The following CPAMD8 variants were observed in gnomAD, a reference collection of about 807,000 sequenced individuals.
CPAMD8 encodes the protein C3 and PZP-like alpha-2-macroglobulin domain-containing protein 8.
Under a neutral mutation model 224.7 loss-of-function variants are expected in CPAMD8, and 146 were observed. That is an observed-to-expected ratio of 0.65 (90% CI 0.57 to 0.75). The LOEUF (loss-of-function observed/expected upper bound fraction) is 0.75. CPAMD8 is among the 30% of genes least tolerant of loss of function. The probability of loss-of-function intolerance (pLI) is 0.00; values close to 1 mark genes in which losing one functional copy is unlikely to be tolerated. For synonymous variants in CPAMD8, 966 were observed against 1,044.6 expected (o/e 0.92, Z 1.45); for missense variants, 2,301 against 2,537.5 (o/e 0.91, Z 2.00).
intron 19 of CPAMD8, among the ~76,000 whole-genome samples, chr19:16,956,277 G>T (rs2054470089): frequency 6.6e-6 from 1 of 152,066 alleles, no homozygotes; most frequent in South Asian, 2.1e-4. Flanking sequence ...GCTCATGCTG[G>T]TCCTTCCTGG....
intron 5 of CPAMD8, 35 bp downstream of exon 5, chr19:17,011,429 C>T: frequency 6.2e-7 from 1 of 1,613,392 alleles, no homozygotes; most frequent in Non-Finnish European, 8.5e-7. Flanking sequence ...CAAGTGGGTG[C>T]ACTCCGGGCC....
chr19:17,005,654 T>C (rs2056468619), intron 7 of CPAMD8, among the ~76,000 whole-genome samples: 2 of 152,058 alleles, frequency 1.3e-5, no homozygotes, highest in Admixed American at 6.6e-5. Flanking sequence ...CCAATGATCA[T>C]ATGGGGAGGG....
At chr19:16,988,598 A>T (rs1226556039) in intron 13 of CPAMD8, among the ~76,000 whole-genome samples, 1 of 151,986 alleles carries the variant, frequency 6.6e-6, no homozygotes, top group African/African-American at 2.4e-5. Context: ...TGACAGAGTG[A>T]GACTCCACCT....
intron 3 of CPAMD8, among the ~76,000 whole-genome samples, chr19:17,014,773 G>A (rs1162570628): frequency 6.6e-6 from 1 of 152,132 alleles, no homozygotes; most frequent in Non-Finnish European, 1.5e-5. Context: ...GGAAATTATG[G>A]GAGCTACAAT....
chr19:16,994,514 C>T (rs935819542), intron 11 of CPAMD8, among the ~76,000 whole-genome samples: 4 of 106,506 alleles, frequency 3.8e-5, no homozygotes, highest in South Asian at 2.6e-4. Context: ...TTAACCACTC[C>T]CTTTTTTTTT....
chr19:16,903,728 T>A lies in CPAMD8; in HGVS notation c.4381A>T (p.Asn1461Tyr). 6.2e-7 allele frequency: 1 copy of A among 1,614,198 alleles called. No homozygotes were observed. The highest frequency in any genetic ancestry group is 8.5e-7 in the Non-Finnish European group (1 of 1,180,020). ...GCTGCTGTCTGCAGAACCTTCTGGT[T>A]GGTCCTGTGCAGCTCGAAGGTTTCC... is the stretch of plus-strand genomic sequence containing the variant. ...YQETFELHRTNQKVLQTAAIP... is the reference protein window; with the variant it reads ...YQETFELHRTYQKVLQTAAIP... The change falls in exon 33 of 42, where the codon AAC becomes TAC. Residue 1461 changes from asparagine to tyrosine, a missense_variant. Physicochemically the swap from Asn to Tyr is moderately radical, Grantham distance 143 (BLOSUM62 -2). Transcript: ENST00000443236.
intron 7 of CPAMD8, among the ~76,000 whole-genome samples, chr19:17,007,239 C>T (rs1051715959): frequency 1.3e-5 from 2 of 152,084 alleles, no homozygotes; most frequent in African/African-American, 4.8e-5. Context: ...GAAGCTGAGG[C>T]AGGAGAATGG....
chr19:16,997,047 G>T, intron 11 of CPAMD8, 64 bp downstream of exon 11: 1 of 979,256 alleles, frequency 1.0e-6, no homozygotes, highest in Non-Finnish European at 1.6e-6. Flanking sequence ...CAGAGCTAGT[G>T]GCTAGTGGTG....
intron 16 of CPAMD8, 64 bp from the exon 17 acceptor site, chr19:16,975,322 C>T (rs1214232797): frequency 2.1e-5 from 29 of 1,384,062 alleles, no homozygotes; most frequent in East Asian, 2.5e-5. Context: ...AACTGGCTCC[C>T]GTGGGTGTGG....
In CPAMD8 at chr19:16,997,180, C is replaced by A; in HGVS notation, c.1026G>T (p.Gln342His). The A allele has an allele frequency of 1.3e-6, 2 of 1,597,338 alleles. No individual in the cohort carries two copies. ...AFDDSTPVQR[Q>H]LVDIRYSKDT... is the part of the protein sequence containing the mutation. ...CCTTGGAGTACCGGATGTCCACCAG[C>A]TGCCTCTGCACGGGGGTGGAGTCAT... The change falls in exon 11 of 42, where the codon CAG becomes CAT. Residue 342 changes from glutamine to histidine, a missense_variant. Around this residue, in one of 4 missense-constraint regions of CPAMD8, gnomAD observed 301 missense variants for 406.6 expected, o/e 0.74. Transcript: ENST00000443236.
At chr19:16,907,307 C>CTTTTT (rs71334641) in intron 29 of CPAMD8, among the ~76,000 whole-genome samples, 190 bp from the exon 30 acceptor site, 21 of 81,066 alleles carry the variant, frequency 2.6e-4, no homozygotes, top group African/African-American at 3.7e-4. Flanking sequence ...TCTTTCTTGC[C>CTTTTT]TTTTTTTTTT....
intron 24 of CPAMD8, 103 bp downstream of exon 24, chr19:16,928,839 G>T: frequency 3.4e-6 from 3 of 878,538 alleles, no homozygotes; most frequent in Admixed American, 3.0e-5. Flanking sequence ...TGTTTCCCTT[G>T]CTCCTCCTGA....
intron 12 of CPAMD8, among the ~76,000 whole-genome samples, chr19:16,990,772 G>A (rs551658115): frequency 3.4e-5 from 5 of 148,572 alleles, no homozygotes; most frequent in East Asian, 2.0e-4. Context: ...CTGAGGCAGG[G>A]GAATCACTTG....
chr19:17,022,885 C>T (rs1201604766), intron 1 of CPAMD8, among the ~76,000 whole-genome samples: 1 of 152,070 alleles, frequency 6.6e-6, no homozygotes, highest in Non-Finnish European at 1.5e-5. Flanking sequence ...GATCCCACTT[C>T]ATCCTCACGG....
Position 16,893,114 on chromosome 19 carries a change from C to T in CPAMD8, c.5652G>A (p.Leu1884=). The T allele has an allele frequency of 7.2e-7, 1 of 1,388,256 alleles. No homozygotes were observed. The highest frequency in any genetic ancestry group is 1.0e-6 in the Non-Finnish European group (1 of 975,960). The allele number at this position is 1,388,256 out of a possible 1,614,324, so 86.0% of individuals were successfully genotyped here. The stretch of plus-strand genomic sequence containing the variant: ...ACTGCATGTGGTTGTAGGATTATCT[C>T]AAGGTGCAGGTGTTTGACATCCATA... The part of the protein sequence containing the change: ...EGLWMSNTCT[L]R Residue 1884 remains leucine, a synonymous_variant, in exon 42 of 42, where the codon TTG becomes TTA. Transcript: ENST00000443236.
intron 3 of CPAMD8, among the ~76,000 whole-genome samples, chr19:17,016,741 C>G (rs571313577): frequency 4.1e-4 from 62 of 151,800 alleles, no homozygotes; most frequent in African/African-American, 1.5e-3. Context: ...CCCTGGGCGA[C>G]AGAGCAAGAC....
chr19:16,904,895 G>C (rs1296171673), intron 30 of CPAMD8, among the ~76,000 whole-genome samples: 3 of 152,162 alleles, frequency 2.0e-5, no homozygotes, highest in Non-Finnish European at 4.4e-5. Flanking sequence ...TACTGATCCA[G>C]CCCCTGATGT....
chr19:17,009,386 C>A, intron 5 of CPAMD8, 66 bp from the exon 6 acceptor site: 1 of 1,612,568 alleles, frequency 6.2e-7, no homozygotes, highest in South Asian at 1.1e-5. Flanking sequence ...TCAACATGCT[C>A]ATGCATGGCC....
At chr19:16,995,690 C>T (rs1568576697) in intron 11 of CPAMD8, among the ~76,000 whole-genome samples, 1 of 152,142 alleles carries the variant, frequency 6.6e-6, no homozygotes, top group Admixed American at 6.6e-5. Context: ...CATGAGCCAC[C>T]GTGCCCAGCC....
Sources: allele counts gnomAD v4.1 joint callset (sites outside exome capture counted in the v4.1 genomes callset), GRCh38; gene constraint gnomAD v4.1.1; regional missense constraint gnomAD v4.1.1; transcripts MANE v1.5; gene names NCBI Gene and HGNC (gene_info 2026-07-23, HGNC 2026-07-21).